The following NMT1 variants were observed in gnomAD, a reference collection of about 807,000 sequenced individuals.
NMT1 encodes the protein N-myristoyltransferase 1, also known as glycylpeptide N-tetradecanoyltransferase 1.
NMT1 carries 12 observed loss-of-function variants against 63.4 expected under a neutral mutation model. The observed-to-expected ratio is 0.19, with a 90% CI of 0.12 to 0.31. The LOEUF is 0.31. Ranked by LOEUF, NMT1 falls within the 10% of genes least tolerant of loss-of-function variation. The probability of loss-of-function intolerance (pLI) is 1.00; values close to 1 mark genes in which losing one functional copy is unlikely to be tolerated. For missense variants in NMT1, 432 were observed against 634.6 expected (o/e 0.68, Z 3.43); for synonymous variants, 228 against 234.3 (o/e 0.97, Z 0.25).
chr17:45,064,712 A>C (rs1202766867), intron 1 of NMT1, among the ~76,000 whole-genome samples: 1 of 152,130 alleles, frequency 6.6e-6, no homozygotes, highest in Non-Finnish European at 1.5e-5. Flanking sequence ...AATCCTAGCT[A>C]CTTAGGAGGC....
In NMT1 at chr17:45,104,058, G is replaced by A; in HGVS notation, c.1332+182G>A. The A allele has an allele frequency of 2.6e-6, 4 of 1,537,686 alleles. No homozygotes were observed. The highest frequency in any genetic ancestry group is 3.5e-6 in the Non-Finnish European group (4 of 1,148,118). The stretch of plus-strand genomic sequence containing the variant: ...AAACTCAAAACTTGGAGGGAACAAG[G>A]AGCATCCGAAGTGAAGGCATTGAAC... On this transcript the variant is annotated intron_variant, in intron 10 of 11. Transcript: ENST00000258960. The surrounding 1 kb of genome is among the most constrained non-coding windows in gnomAD (Gnocchi z 4.2).
intron 1 of NMT1, among the ~76,000 whole-genome samples, chr17:45,065,961 C>T (rs1044068104): frequency 2.0e-5 from 3 of 151,822 alleles, no homozygotes; most frequent in African/African-American, 7.3e-5. Context: ...ATCCTCCTGC[C>T]TTAGCCTCCC....
chr17:45,099,383 C>A (rs1284638938), intron 7 of NMT1, 22 bp from the exon 8 acceptor site: 16 of 1,526,738 alleles, frequency 1.0e-5, no homozygotes, highest in Non-Finnish European at 1.5e-5. Context: ...ACCCTGAGGA[C>A]AGGACATTTG....
intron 1 of NMT1, among the ~76,000 whole-genome samples, chr17:45,070,562 C>T (rs998860572): frequency 6.6e-6 from 1 of 152,158 alleles, no homozygotes; most frequent in Admixed American, 6.5e-5. Flanking sequence ...GGACTGTAGT[C>T]GCCCGTCACC....
chr17:45,079,861 G>A (rs1443332894), intron 1 of NMT1, among the ~76,000 whole-genome samples: 2 of 151,214 alleles, frequency 1.3e-5, no homozygotes, highest in African/African-American at 4.9e-5. Context: ...CACCACGCCT[G>A]GCTAATTTTT....
intron 2 of NMT1, among the ~76,000 whole-genome samples, chr17:45,085,192 G>A (rs1005050787): frequency 2.0e-5 from 3 of 152,138 alleles, no homozygotes; most frequent in African/African-American, 4.8e-5. Context: ...GGTTGAAGCC[G>A]CAGTAAGCCA....
intron 7 of NMT1, chr17:45,098,811 G>C (rs1015519281): frequency 2.2e-6 from 1 of 449,168 alleles, no homozygotes; most frequent in Non-Finnish European, 4.0e-6. Context: ...GGAGATGGTG[G>C]GGGGCGGTAC....
intron 6 of NMT1, 103 bp downstream of exon 6, chr17:45,097,347 G>A (rs2054131789): frequency 2.2e-6 from 2 of 924,178 alleles, no homozygotes; most frequent in Admixed American, 1.7e-5. Context: ...AAAGGAAGAG[G>A]GAAGGTCTCA....
intron 1 of NMT1, among the ~76,000 whole-genome samples, chr17:45,069,362 G>C (rs11871873): frequency 0.11 from 16,905 of 151,662 alleles, 995 homozygotes; most frequent in Middle Eastern, 0.18. Flanking sequence ...CGTGATCTTG[G>C]CTCACCACAA....
chr17:45,096,150 T>C (rs755482086), intron 4 of NMT1, 44 bp from the exon 5 acceptor site: 4 of 1,471,398 alleles, frequency 2.7e-6, no homozygotes, highest in South Asian at 1.1e-5. Context: ...GTTGGTCTAC[T>C]ACCTGGCAGA....
intron 1 of NMT1, among the ~76,000 whole-genome samples, chr17:45,073,785 A>AGTTG (rs2053958305): frequency 6.6e-6 from 1 of 152,164 alleles, no homozygotes; most frequent in Non-Finnish European, 1.5e-5. Context: ...CCTAGATGCT[A>AGTTG]GTTGGTTGGT....
chr17:45,070,949 G>A (rs986820292), intron 1 of NMT1, among the ~76,000 whole-genome samples: 6 of 152,190 alleles, frequency 3.9e-5, no homozygotes, highest in African/African-American at 1.4e-4. Flanking sequence ...GGGAATGTGC[G>A]GAGTTGGGGG....
At chr17:45,090,993 C>A (rs1011807254) in intron 3 of NMT1, among the ~76,000 whole-genome samples, 1 of 152,040 alleles carries the variant, frequency 6.6e-6, no homozygotes, top group Admixed American at 6.6e-5. Context: ...AGCACAGGAG[C>A]CTTGGGCTGC....
chr17:45,064,583 G>A lies in NMT1; in HGVS notation c.131+3123G>A, dbSNP rs1045670768. On this transcript the variant is annotated intron_variant, in intron 1 of 11. Transcript: ENST00000258960. Reference sequence around the variant, plus strand: ...CACATCTGTAATCCCAGCACTTTGGGAGGCTGAGGTGGGCAGATCGCTTGT... The same window carrying A: ...CACATCTGTAATCCCAGCACTTTGGAAGGCTGAGGTGGGCAGATCGCTTGT... Among the ~76,000 whole-genome samples, 16 of 152,338 alleles carry A rather than the reference G, an allele frequency of 1.1e-4. 1 individual carries two copies. Among genetic ancestry groups the A allele is most frequent in the African/African-American group, 3.8e-4 (16 of 41,576 alleles).
chr17:45,097,426 C>G lies in NMT1; in HGVS notation c.713+182C>G, dbSNP rs1261082121. Among the ~76,000 whole-genome samples the G allele has an allele frequency of 2.0e-5, 3 of 152,082 alleles. No individual in the cohort carries two copies. The South Asian group carries it at 6.2e-4, about 32-fold the overall frequency. On this transcript the variant is annotated intron_variant, in intron 6 of 11. Transcript: ENST00000258960. Reference sequence around the variant, plus strand: ...GGAACCACCTGTTCTGCTCAGAGTCCCAGCCAGCTCCCTTGTTTGTGGCCC... The same window carrying G: ...GGAACCACCTGTTCTGCTCAGAGTCGCAGCCAGCTCCCTTGTTTGTGGCCC...
chr17:45,070,197 T>C (rs2053930774), intron 1 of NMT1, among the ~76,000 whole-genome samples: 1 of 152,132 alleles, frequency 6.6e-6, no homozygotes, highest in South Asian at 2.1e-4. Flanking sequence ...AAGTGGTCTT[T>C]TGTAATCCCT....
chr17:45,062,199 G>A (rs1014119927), intron 1 of NMT1, among the ~76,000 whole-genome samples: 1 of 152,156 alleles, frequency 6.6e-6, no homozygotes, highest in Non-Finnish European at 1.5e-5. Context: ...GTACTTTAGG[G>A]TCTTGCCATT....
At chr17:45,066,657 G>C (rs183432308) in intron 1 of NMT1, among the ~76,000 whole-genome samples, 1 of 152,106 alleles carries the variant, frequency 6.6e-6, no homozygotes, top group Admixed American at 6.6e-5. Context: ...CATATGCAGT[G>C]TGTATGGGTG....
intron 7 of NMT1, 131 bp from the exon 8 acceptor site, chr17:45,099,274 G>A: frequency 2.9e-6 from 2 of 686,158 alleles, no homozygotes; most frequent in Non-Finnish European, 2.7e-6. Context: ...AGAGCAGGGT[G>A]ACACCACTGA....
Sources: allele counts gnomAD v4.1 joint callset (sites outside exome capture counted in the v4.1 genomes callset), GRCh38; gene constraint gnomAD v4.1.1; non-coding constraint Gnocchi (gnomAD v3.1); transcripts MANE v1.5; gene names NCBI Gene and HGNC (gene_info 2026-07-23, HGNC 2026-07-21).